The following HPCAL1 variants were observed in gnomAD, a reference collection of about 807,000 sequenced individuals.
HPCAL1 encodes hippocalcin like 1.
HPCAL1 carries 8 observed loss-of-function variants against 17.1 expected under a neutral mutation model. That is an observed-to-expected ratio of 0.47 (90% CI 0.27 to 0.84). HPCAL1 has a LOEUF of 0.84. Ranked by LOEUF, HPCAL1 falls within the 40% of genes least tolerant of loss-of-function variation. The pLI is 0.13. For synonymous variants in HPCAL1, 112 were observed against 111.4 expected, an observed-to-expected ratio of 1.01 and a Z score of -0.03; for missense variants, 165 against 271.1, an observed-to-expected ratio of 0.61 and a Z score of 2.75.
At chr2:10,415,729 C>T (rs1314522842) in intron 2 of HPCAL1, among the ~76,000 whole-genome samples, 1 of 152,160 alleles carries the variant, frequency 6.6e-6, no homozygotes, top group African/African-American at 2.4e-5. Flanking sequence ...GAGTCCAGAG[C>T]TCCAGGAAGT....
chr2:10,416,033 C>A (rs1429370184), intron 2 of HPCAL1, among the ~76,000 whole-genome samples: 1 of 152,206 alleles, frequency 6.6e-6, no homozygotes, highest in Non-Finnish European at 1.5e-5. Flanking sequence ...TTCTGCCGTC[C>A]ATCTGTGGGT....
chr2:10,332,503 G>A (rs1470002221), intron 1 of HPCAL1, among the ~76,000 whole-genome samples: 8 of 152,056 alleles, frequency 5.3e-5, no homozygotes, highest in Admixed American at 5.2e-4. Flanking sequence ...GGTGGGAGGT[G>A]GGGGGTAGCC....
chr2:10,315,313 T>C (rs1663247150), intron 1 of HPCAL1, among the ~76,000 whole-genome samples: 1 of 150,842 alleles, frequency 6.6e-6, no homozygotes, highest in Non-Finnish European at 1.5e-5. Context: ...AAAAGAATTA[T>C]GCAGACAGTT....
At chr2:10,360,980 G>T (rs183116809) in intron 1 of HPCAL1, among the ~76,000 whole-genome samples, 7 of 150,950 alleles carry the variant, frequency 4.6e-5, no homozygotes, top group African/African-American at 1.7e-4. Flanking sequence ...CTCCTCCTGG[G>T]TGTCTGGCGT....
chr2:10,401,445 A>G (rs1186641276), intron 2 of HPCAL1, among the ~76,000 whole-genome samples: 3 of 151,882 alleles, frequency 2.0e-5, no homozygotes, highest in Non-Finnish European at 4.4e-5. Context: ...TCTCCGGGAA[A>G]CTGGCTCTTT....
rs1389842662 is a variant in HPCAL1, at chr2:10,359,317, G to A, written c.-110-37518G>A. Among the ~76,000 whole-genome samples, 2 of 152,130 alleles carry A rather than the reference G, an allele frequency of 1.3e-5. No individual in the cohort carries two copies. Among genetic ancestry groups the A allele is most frequent in the African/African-American group, 2.4e-5 (1 of 41,428 alleles). On this transcript the variant is annotated intron_variant, in intron 1 of 4. Transcript: ENST00000307845. This position sits in a 1 kb window ranked among gnomAD's most constrained non-coding sequence, Gnocchi z 4.1. ...CAGCTGGGGGCTCTCTGGACCCTGC[G>A]GCTGGCATGGGTTAGTGGCTCCGTG... is the stretch of plus-strand genomic sequence containing the variant.
chr2:10,334,721 T>C (rs1400907739), intron 1 of HPCAL1, among the ~76,000 whole-genome samples: 1 of 119,962 alleles, frequency 8.3e-6, no homozygotes, highest in African/African-American at 3.8e-5. Context: ...GGTCTCGCTC[T>C]GTTACCCAGG....
Position 10,394,369 on chromosome 2 carries a change from C to A in HPCAL1, c.-110-2466C>A, listed in dbSNP as rs1435047245. Among the ~76,000 whole-genome samples the A allele has an allele frequency of 6.6e-6, 1 of 152,062 alleles. No homozygotes were observed. The highest frequency in any genetic ancestry group is 1.5e-5 in the Non-Finnish European group (1 of 68,012). ...TGCTGGTTCCATTGCTGGGTTTCTC[C>A]TCGTGGAGAGCCCTTGACCCTGTCC... On this transcript the variant is annotated intron_variant, in intron 1 of 4. Transcript: ENST00000307845. This position sits in a 1 kb window ranked among gnomAD's most constrained non-coding sequence, Gnocchi z 5.0.
In HPCAL1 at chr2:10,365,957, A is replaced by G. The variant is rs1050439613; in HGVS notation, c.-110-30878A>G. 3.3e-5 allele frequency among the ~76,000 whole-genome samples: 5 copies of G among 152,172 alleles called. No homozygotes were observed. In the East Asian group the frequency reaches 9.7e-4, roughly 29 times the overall value. Reference sequence around the variant, plus strand: ...CCAGGGATGCACGCCTCATGAGGAGACGCTCACTCCCCCAGACACACTGAG... The same window carrying G: ...CCAGGGATGCACGCCTCATGAGGAGGCGCTCACTCCCCCAGACACACTGAG... On this transcript the variant is annotated intron_variant, in intron 1 of 4. Transcript: ENST00000307845. This position sits in a 1 kb window ranked among gnomAD's most constrained non-coding sequence, Gnocchi z 4.8.
chr2:10,364,264 C>T lies in HPCAL1; in HGVS notation c.-110-32571C>T, dbSNP rs797005552. ...AGAGCCCCCACTTCTGCCTGGCATC[C>T]GGGGGTCCCTCCGGGAAGCTGAGGT... is the stretch of plus-strand genomic sequence containing the variant. On this transcript the variant is annotated intron_variant, in intron 1 of 4. Transcript: ENST00000307845. 4.7e-4 allele frequency among the ~76,000 whole-genome samples: 71 copies of T among 152,292 alleles called. 1 individual carries two copies. The highest frequency in any genetic ancestry group is 1.5e-3 in the African/African-American group (63 of 41,552).
chr2:10,326,589 T>A (rs1664033126), intron 1 of HPCAL1, among the ~76,000 whole-genome samples: 1 of 152,202 alleles, frequency 6.6e-6, no homozygotes, highest in African/African-American at 2.4e-5. Flanking sequence ...GAGGCTGCCC[T>A]GCACCAGCCA....
At chr2:10,335,320 G>A (rs532280148) in intron 1 of HPCAL1, among the ~76,000 whole-genome samples, 13 of 152,338 alleles carry the variant, frequency 8.5e-5, no homozygotes, top group African/African-American at 3.1e-4. Context: ...GGAGCCAGAT[G>A]CCATGTCTCA....
In HPCAL1 at chr2:10,350,844, G is replaced by C. The variant is rs146781193; in HGVS notation, c.-110-45991G>C. Among the ~76,000 whole-genome samples the C allele has an allele frequency of 2.5e-3, 378 of 152,292 alleles. 3 individuals are homozygous for C. The highest frequency in any genetic ancestry group is 0.018 in the Admixed American group (280 of 15,294). On this transcript the variant is annotated intron_variant, in intron 1 of 4. Coordinates refer to ENST00000307845, the MANE Select transcript of HPCAL1 (RefSeq NM_002149.4). ...CATGACAAGATGCTCAACATCATTA[G>C]TCACGAGGGAAATGCACATGAAAAC... is the stretch of plus-strand genomic sequence containing the variant.
intron 1 of HPCAL1, among the ~76,000 whole-genome samples, chr2:10,372,927 C>T (rs1264224431): frequency 6.6e-6 from 1 of 152,240 alleles, no homozygotes; most frequent in Non-Finnish European, 1.5e-5. Flanking sequence ...CTCTTCTGGC[C>T]TCCATGACTT....
At position 10,310,808 on chromosome 2, in the gene HPCAL1, G is replaced by A. The variant is rs79984833; in HGVS notation, c.-111+7631G>A. 0.026 allele frequency among the ~76,000 whole-genome samples: 3,930 copies of A among 152,196 alleles called. 71 individuals carry two copies. The highest frequency in any genetic ancestry group is 0.091 in the East Asian group (470 of 5,172). ...GCGGTTCTGTACAGCAGTGTGTATC[G>A]ACTGCAGCGCTCTTTTTCTCTAGCA... On this transcript the variant is annotated intron_variant, in intron 1 of 4. Coordinates refer to ENST00000307845, the MANE Select transcript of HPCAL1 (RefSeq NM_002149.4). The surrounding 1 kb of genome is among the most constrained non-coding windows in gnomAD (Gnocchi z 4.5).
chr2:10,355,199 C>T (rs1369724109), intron 1 of HPCAL1, among the ~76,000 whole-genome samples: 4 of 152,038 alleles, frequency 2.6e-5, no homozygotes, highest in African/African-American at 9.7e-5. Flanking sequence ...CGCCTGTAAT[C>T]CCAGCACTTT....
chr2:10,413,465 A>C (rs3755263), intron 2 of HPCAL1, among the ~76,000 whole-genome samples: 36,008 of 152,242 alleles, frequency 0.24, 4,551 homozygotes, highest in South Asian at 0.41. Context: ...ACCTTGTGCC[A>C]GGCCCAGCTG....
At chr2:10,372,532 C>T (rs1011836909) in intron 1 of HPCAL1, among the ~76,000 whole-genome samples, 14 of 152,194 alleles carry the variant, frequency 9.2e-5, no homozygotes, top group African/African-American at 1.9e-4. Flanking sequence ...GACAGGCGAG[C>T]GTATGGCTGT....
Position 10,413,892 on chromosome 2 carries a change from GGCTCATTTT to G in HPCAL1, c.-24-5840_-24-5832del, listed in dbSNP as rs558274536. Among the ~76,000 whole-genome samples, 234 of 152,348 alleles carry G rather than the reference GGCTCATTTT, an allele frequency of 1.5e-3. 1 individual carries two copies. Among genetic ancestry groups the G allele is most frequent in the African/African-American group, 5.5e-3 (229 of 41,576 alleles). ...CAGGGCCTAGAACTTCACAGAAGGT[GGCTCATTTT>G]GATAATGAAAAATGCAGGGGTGCAA... On this transcript the variant is annotated intron_variant, in intron 2 of 4. Coordinates refer to ENST00000307845, the MANE Select transcript of HPCAL1 (RefSeq NM_002149.4).
Sources: allele counts gnomAD v4.1 joint callset (sites outside exome capture counted in the v4.1 genomes callset), GRCh38; gene constraint gnomAD v4.1.1; non-coding constraint Gnocchi (gnomAD v3.1); transcripts MANE v1.5; gene names NCBI Gene and HGNC (gene_info 2026-07-23, HGNC 2026-07-21).